Variants in NSF observed in about 807,000 individuals in gnomAD.
The protein encoded by NSF is N-ethylmaleimide sensitive factor, vesicle fusing ATPase.
A neutral mutation model predicts 50.3 loss-of-function variants in NSF; 14 were observed. The ratio of observed to expected loss-of-function variants is 0.28; its 90% CI spans 0.18 to 0.44. The LOEUF (loss-of-function observed/expected upper bound fraction) is 0.44, where lower values mean the gene tolerates loss of function less well. NSF is among the 20% of genes least tolerant of loss of function. NSF has a pLI of 1.00. For missense variants in NSF, 218 were observed against 504.3 expected, an observed-to-expected ratio of 0.43 and a Z score of 5.44; for synonymous variants, 109 against 175.7, an observed-to-expected ratio of 0.62 and a Z score of 3.00.
At chr17:46,708,601 C>T (rs1235068278) in intron 13 of NSF, among the ~76,000 whole-genome samples, 1 of 148,094 alleles carries the variant, frequency 6.8e-6, no homozygotes, top group African/African-American at 2.5e-5. Flanking sequence ...AAGTGATTCT[C>T]CTGCCTCAGC....
At chr17:46,755,722 ATTTT>A (rs71138549) in intron 20 of NSF, 76 bp from the exon 21 acceptor site, 4,034 of 1,039,426 alleles carry the variant, frequency 3.9e-3, no homozygotes, top group East Asian at 0.022. Context: ...GCTTTTAGTG[ATTTT>A]TTTTTTTTTT....
intron 17 of NSF, among the ~76,000 whole-genome samples, chr17:46,742,196 T>C (rs1365123535): frequency 1.3e-5 from 2 of 152,238 alleles, no homozygotes; most frequent in Non-Finnish European, 2.9e-5. Context: ...GAAGCATACA[T>C]GCCGTTCATT....
intron 15 of NSF, chr17:46,721,473 G>T: frequency 1.4e-6 from 1 of 703,306 alleles, no homozygotes; most frequent in Non-Finnish European, 2.5e-6. Context: ...ATATATGTAT[G>T]TTGATAATTT....
intron 16 of NSF, among the ~76,000 whole-genome samples, chr17:46,727,565 A>AT (rs1568049081): frequency 6.6e-6 from 1 of 151,966 alleles, no homozygotes; most frequent in African/African-American, 2.4e-5. Context: ...TCTGTTATTT[A>AT]TTTTTTTAAG....
At chr17:46,747,987 A>T (rs1451969603) in intron 17 of NSF, among the ~76,000 whole-genome samples, 1 of 152,238 alleles carries the variant, frequency 6.6e-6, no homozygotes, top group Non-Finnish European at 1.5e-5. Context: ...TGAAGAAAAG[A>T]TTCTGAAAGT....
chr17:46,635,780 T>TGTGTGTGTGTGTGTGTGTG, intron 4 of NSF, among the ~76,000 whole-genome samples: 1 of 121,678 alleles, frequency 8.2e-6, no homozygotes, highest in African/African-American at 3.9e-5. Context: ...AAAATAAATG[T>TGTGTGTGTGTGTGTGTGTG]GTGTGTGTGT....
chr17:46,710,931 T>C (rs1202117709), intron 13 of NSF, 32 bp from the exon 14 acceptor site: 9 of 1,556,366 alleles, frequency 5.8e-6, no homozygotes, highest in Admixed American at 2.2e-5. Context: ...ACACTAAGGC[T>C]CAAAATGCTT....
chr17:46,736,711 A>G (rs2059009208), intron 17 of NSF, among the ~76,000 whole-genome samples: 1 of 152,234 alleles, frequency 6.6e-6, no homozygotes, highest in African/African-American at 2.4e-5. Flanking sequence ...ATTTGCTGCT[A>G]ACCACTAGGG....
chr17:46,718,218 G>A (rs2058793590), intron 15 of NSF, among the ~76,000 whole-genome samples: 1 of 152,184 alleles, frequency 6.6e-6, no homozygotes, highest in Non-Finnish European at 1.5e-5. Flanking sequence ...AGTGCCAAAG[G>A]GCAGCCCCAA....
At chr17:46,722,207 G>A (rs1474518196) in intron 15 of NSF, 1 of 1,542,824 alleles carries the variant, frequency 6.5e-7, no homozygotes, top group South Asian at 1.1e-5. Context: ...TGCTTAGGAA[G>A]AGACCCAAAT....
intron 15 of NSF, among the ~76,000 whole-genome samples, chr17:46,724,219 G>A (rs190455412): frequency 2.0e-5 from 3 of 152,304 alleles, no homozygotes; most frequent in Admixed American, 1.3e-4. Context: ...TTAGGAAACT[G>A]TCCTGACTCC....
At chr17:46,722,244 C>T (rs535736118) in intron 15 of NSF, 24 of 1,186,704 alleles carry the variant, frequency 2.0e-5, no homozygotes, top group African/African-American at 1.5e-4. Flanking sequence ...AAAATCCCTA[C>T]ATTCTTAAGA....
chr17:46,704,961 G>A (rs1270250109), intron 13 of NSF, 107 bp downstream of exon 13: 10 of 1,053,090 alleles, frequency 9.5e-6, no homozygotes, highest in African/African-American at 1.8e-5. Context: ...TATAGCATAT[G>A]CAGTTTCATA....
chr17:46,728,923 G>C lies in NSF; in HGVS notation c.1897G>C (p.Ala633Pro), dbSNP rs2058920483. Residue 633 changes from alanine (A) to proline (P), a missense_variant, in exon 17 of 21, where the codon GCA becomes CCA. Coordinates refer to ENST00000398238, the MANE Select transcript of NSF (RefSeq NM_006178.4). ...LQALLVLLKK[A>P]PPQGRKLLII... Reference sequence around the variant, plus strand: ...GGCTCTTCTCGTTTTACTGAAAAAGGCACCTCCTCAGGTAAAATAATACTA... The same window carrying C: ...GGCTCTTCTCGTTTTACTGAAAAAGCCACCTCCTCAGGTAAAATAATACTA... 1.2e-6 allele frequency: 2 copies of C among 1,602,540 alleles called. No homozygotes were observed. Among genetic ancestry groups the C allele is most frequent in the African/African-American group, 2.7e-5 (2 of 74,672 alleles).
At chr17:46,739,137 A>G (rs1156727650) in intron 17 of NSF, among the ~76,000 whole-genome samples, 1 of 152,208 alleles carries the variant, frequency 6.6e-6, no homozygotes, top group Non-Finnish European at 1.5e-5. Context: ...TGGGAGGCCA[A>G]GGTAGGTGGA....
intron 1 of NSF, among the ~76,000 whole-genome samples, chr17:46,598,625 T>A (rs2146095638): frequency 6.6e-6 from 1 of 152,084 alleles, no homozygotes; most frequent in African/African-American, 2.4e-5. Flanking sequence ...ATGTTAGAGG[T>A]AAAATTTGTC....
intron 17 of NSF, among the ~76,000 whole-genome samples, chr17:46,740,300 C>T (rs2059056619): frequency 2.0e-5 from 3 of 152,062 alleles, no homozygotes; most frequent in African/African-American, 7.2e-5. Context: ...TAAATGAGGG[C>T]AGGGTATGGT....
intron 1 of NSF, among the ~76,000 whole-genome samples, chr17:46,609,941 C>T (rs1425432849): frequency 7.0e-6 from 1 of 143,842 alleles, no homozygotes; most frequent in East Asian, 1.9e-4. Context: ...CTCACCTCAG[C>T]CCCCTGAATA....
chr17:46,693,516 GAA>G (rs141856616), intron 10 of NSF, among the ~76,000 whole-genome samples: 3 of 140,446 alleles, frequency 2.1e-5, no homozygotes, highest in Non-Finnish European at 3.2e-5. Flanking sequence ...ACTTCTGGGG[GAA>G]AAAAAAAAAA....
Sources: allele counts gnomAD v4.1 joint callset (sites outside exome capture counted in the v4.1 genomes callset), GRCh38; gene constraint gnomAD v4.1.1; transcripts MANE v1.5; gene names NCBI Gene and HGNC (gene_info 2026-07-23, HGNC 2026-07-21).